The following ATXN2L variants were observed in gnomAD, a reference collection of about 807,000 sequenced individuals.
ATXN2L encodes the protein ataxin 2 like.
Under a neutral mutation model 120.7 loss-of-function variants are expected in ATXN2L, and 24 were observed. The ratio of observed to expected loss-of-function variants is 0.20; its 90% CI spans 0.14 to 0.28. The LOEUF is 0.28. Ranked by LOEUF, ATXN2L falls within the 10% of genes least tolerant of loss-of-function variation. The pLI is 1.00. For synonymous variants in ATXN2L, 653 were observed against 568.1 expected, an observed-to-expected ratio of 1.15 and a Z score of -2.13; for missense variants, 1,312 against 1,432.3, an observed-to-expected ratio of 0.92 and a Z score of 1.36.
rs1226453948 is a variant in ATXN2L at position 28,823,429 on chromosome 16, C to A, written c.170C>A (p.Pro57His). ...CCCGGGCCTCCAGCGGCCGCCTCCC[C>A]CTGCCTGGGGCCTGTGGCCGCTGCC... is the stretch of plus-strand genomic sequence containing the variant. ...APPGPPAAAS[P>H]CLGPVAAAGS... is the part of the protein sequence containing the mutation. Residue 57 changes from proline (P) to histidine (H), a missense_variant, in exon 1 of 22, where the codon CCC becomes CAC. By Grantham distance (77) the Pro-to-His change is moderately conservative (BLOSUM62 -2). Coordinates refer to ENST00000336783, the MANE Select transcript of ATXN2L (RefSeq NM_007245.4). 6 of 1,309,728 alleles carry A rather than the reference C, an allele frequency of 4.6e-6. No individual in the cohort carries two copies. In the African/African-American group the frequency reaches 6.2e-5, roughly 13 times the overall value. 81.1% of individuals were successfully genotyped at this position (1,309,728 alleles called of 1,614,324 possible). A position where few individuals can be genotyped will look rare whatever the true frequency, so the allele number is the denominator to read the frequency against.
Position 28,837,059 on chromosome 16 carries a change from T to C in ATXN2L, c.*794T>C. The C allele has an allele frequency of 1.6e-6, 1 of 614,418 alleles. No individual in the cohort carries two copies. The highest frequency in any genetic ancestry group is 3.0e-6 in the Non-Finnish European group (1 of 330,358). 38.1% of individuals were successfully genotyped at this position (614,418 alleles called of 1,614,324 possible). ...CCGCTGGAGACGGAAGATCTTTTAT[T>C]TTCTATTATTTATAACTTCAGACTT... On this transcript the variant is annotated 3_prime_UTR_variant, in exon 22 of 22. Transcript: ENST00000336783.
Position 28,830,644 on chromosome 16 carries a change from G to A in ATXN2L, c.1064G>A (p.Arg355Gln), listed in dbSNP as rs187434765. The A allele has an allele frequency of 1.2e-5, 20 of 1,607,928 alleles. No homozygotes were observed. In the Admixed American group the frequency reaches 2.9e-4, roughly 23 times the overall value. Residue 355 changes from arginine (R) to glutamine (Q), a missense_variant, in exon 9 of 22, where the codon CGA becomes CAA. Coordinates refer to ENST00000336783, the MANE Select transcript of ATXN2L (RefSeq NM_007245.4). ...GGGAAGTATATCCCTCTGCCTCAAC[G>A]AGTCCGGGAAGGTCCCCGGGGAGGA... ...REGKYIPLPQ[R>Q]VREGPRGGVR...
In ATXN2L at chr16:28,829,952, C is replaced by T. The variant is rs2053723639; in HGVS notation, c.928C>T (p.Arg310Cys). 6.8e-6 allele frequency: 11 copies of T among 1,614,088 alleles called. No homozygotes were observed. The highest frequency in any genetic ancestry group is 7.6e-6 in the Non-Finnish European group (9 of 1,180,048). The stretch of plus-strand genomic sequence containing the variant: ...AGAGATTGAATCAAGCCCCCAGTAC[C>T]GCCTACGGATCGCCATGGAGAACGA... Reference protein sequence around the residue: ...AREIESSPQYRLRIAMENDDG... With the variant: ...AREIESSPQYCLRIAMENDDG... The change falls in exon 8 of 22, where the codon CGC becomes TGC. Residue 310 changes from arginine (R) to cysteine (C), a missense_variant. Transcript: ENST00000336783.
chr16:28,829,387 TCCTC>T lies in ATXN2L; in HGVS notation c.742-7_742-4del, dbSNP rs1441142433. 1 of 1,596,018 alleles carries T rather than the reference TCCTC, an allele frequency of 6.3e-7. No homozygotes were observed. The highest frequency in any genetic ancestry group is 8.6e-7 in the Non-Finnish European group (1 of 1,163,654). Reference sequence around the variant, plus strand: ...TTCCTGCTGGGTTTTAAAACCACCTTCCTCCCTCCCCAGTCCAATGGATGGGACC... The same window carrying T: ...TTCCTGCTGGGTTTTAAAACCACCTTCCTCCCCAGTCCAATGGATGGGACC... On this transcript the variant is annotated splice_polypyrimidine_tract_variant and intron_variant, in intron 6 of 21. Coordinates refer to ENST00000336783, the MANE Select transcript of ATXN2L (RefSeq NM_007245.4).
chr16:28,829,208 G>T (rs771451985), intron 6 of ATXN2L, among the ~76,000 whole-genome samples, 193 bp from the exon 7 acceptor site: 26 of 152,152 alleles, frequency 1.7e-4, no homozygotes, highest in Non-Finnish European at 2.9e-4. Context: ...TTGCTGTGTT[G>T]CCCAGTCTGG....
Position 28,834,511 on chromosome 16 carries a change from C to G in ATXN2L, c.2251C>G (p.Leu751Val). Residue 751 changes from leucine (L) to valine (V), a missense_variant, in exon 18 of 22, where the codon CTT (leucine) becomes GTT (valine). By Grantham distance (32) the Leu-to-Val change is conservative. Transcript: ENST00000336783. ...CTCTCCTCCTCCTCTTCCAGGCTCC[C>G]TTCCTCCGCAGCGCTCGGACCAACA... Reference protein sequence around the residue: ...QGKYRGAKGSLPPQRSDQHQP... With the variant: ...QGKYRGAKGSVPPQRSDQHQP... 1 of 1,611,646 alleles carries G rather than the reference C, an allele frequency of 6.2e-7. No homozygotes were observed. The highest frequency in any genetic ancestry group is 8.5e-7 in the Non-Finnish European group (1 of 1,179,558).
chr16:28,830,582 G>A, intron 8 of ATXN2L, 33 bp from the exon 9 acceptor site: 1 of 1,522,688 alleles, frequency 6.6e-7, no homozygotes, highest in Admixed American at 2.2e-5. Context: ...TGGGTTTTGT[G>A]GCTACCTGGC....
Position 28,830,073 on chromosome 16 carries a change from C to A in ATXN2L, c.1034+15C>A, listed in dbSNP as rs770295771. ...TTGGCATCCAGGTGACTGTTGCAAA[C>A]AGCCAGGACTACTTGGGGCTTCTGG... On this transcript the variant is annotated intron_variant, in intron 8 of 21. Transcript: ENST00000336783. 2 of 1,603,506 alleles carry A rather than the reference C, an allele frequency of 1.2e-6. No homozygotes were observed. The highest frequency in any genetic ancestry group is 1.7e-6 in the Non-Finnish European group (2 of 1,172,510).
At chr16:28,827,223 A>G (rs960012028) in intron 6 of ATXN2L, among the ~76,000 whole-genome samples, 3 of 152,106 alleles carry the variant, frequency 2.0e-5, no homozygotes, top group African/African-American at 4.8e-5. Flanking sequence ...CACTTGAGGC[A>G]AGGATTTCGA....
chr16:28,830,609 C>T lies in ATXN2L; in HGVS notation c.1035-6C>T, dbSNP rs778019699. The T allele has an allele frequency of 1.9e-6, 3 of 1,557,186 alleles. No individual in the cohort carries two copies. In the South Asian group the frequency reaches 3.6e-5, roughly 18 times the overall value. On this transcript the variant is annotated splice_polypyrimidine_tract_variant and splice_region_variant and intron_variant, in intron 8 of 21. Transcript: ENST00000336783. ...CTACCTGGCCTTATTTGAACTCTTT[C>T]CTCAGGGAGGGGAAGTATATCCCTC...
chr16:28,835,890 C>G (rs1960437256), intron 21 of ATXN2L, 43 bp from the exon 22 acceptor site: 2 of 1,561,882 alleles, frequency 1.3e-6, no homozygotes, highest in South Asian at 2.4e-5. Context: ...GAGTCTGTTT[C>G]AGGATTCTGT....
intron 1 of ATXN2L, chr16:28,823,991 A>T: frequency 1.8e-6 from 1 of 553,676 alleles, no homozygotes; most frequent in Non-Finnish European, 2.3e-6. Flanking sequence ...CGCGGCCCAC[A>T]GTTTGGCCAA....
chr16:28,835,661 A>G lies in ATXN2L; in HGVS notation c.2798A>G (p.Gln933Arg). Reference protein sequence around the residue: ...PPSLPPGPSAQSPQSSFPQPA... With the variant: ...PPSLPPGPSARSPQSSFPQPA... ...TCTCTGCCACCGGGACCTTCTGCCC[A>G]GTCCCCTCAGAGCAGCTTCCCCCAG... Residue 933 changes from glutamine (Q) to arginine (R), a missense_variant, in exon 21 of 22, where the codon CAG becomes CGG. Coordinates refer to ENST00000336783, the MANE Select transcript of ATXN2L (RefSeq NM_007245.4). 1.9e-6 allele frequency: 3 copies of G among 1,613,880 alleles called. No individual in the cohort carries two copies. The highest frequency in any genetic ancestry group is 2.5e-6 in the Non-Finnish European group (3 of 1,179,914).
At chr16:28,832,007 T>C (rs1169214415) in intron 10 of ATXN2L, among the ~76,000 whole-genome samples, 198 bp from the exon 11 acceptor site, 2 of 152,194 alleles carry the variant, frequency 1.3e-5, no homozygotes, top group Non-Finnish European at 1.5e-5. Context: ...TCCCTGCCAC[T>C]CCTTTAAGCA....
intron 12 of ATXN2L, 84 bp downstream of exon 12, chr16:28,832,651 A>T: frequency 6.8e-7 from 1 of 1,479,138 alleles, no homozygotes; most frequent in Middle Eastern, 1.8e-4. Context: ...GTTGGAATTC[A>T]GAGGCAAACA....
chr16:28,830,384 T>C (rs1308089675), intron 8 of ATXN2L, among the ~76,000 whole-genome samples: 2 of 152,190 alleles, frequency 1.3e-5, no homozygotes, highest in Non-Finnish European at 1.5e-5. Flanking sequence ...AGTTGTAGAA[T>C]TGTGGAGCAC....
chr16:28,836,701 G>A lies in ATXN2L; in HGVS notation c.*436G>A. 6.2e-7 allele frequency: 1 copy of A among 1,613,624 alleles called. No individual in the cohort carries two copies. The highest frequency in any genetic ancestry group is 1.7e-4 in the Middle Eastern group (1 of 6,060). Reference sequence around the variant, plus strand: ...CAGCTGCTTGGGTTCTAATGCTCCTGCTCTCTTCTCTTTCCCCTCCAACCA... The same window carrying A: ...CAGCTGCTTGGGTTCTAATGCTCCTACTCTCTTCTCTTTCCCCTCCAACCA... On this transcript the variant is annotated 3_prime_UTR_variant, in exon 22 of 22. Transcript: ENST00000336783.
chr16:28,829,805 C>T lies in ATXN2L; in HGVS notation c.834-53C>T, dbSNP rs1300452659. On this transcript the variant is annotated intron_variant, in intron 7 of 21. Coordinates refer to ENST00000336783, the MANE Select transcript of ATXN2L (RefSeq NM_007245.4). ...CTTGTTGAAATGTTTTTCCTTTTTT[C>T]CTCTTTTGTCCCCTGGCACTGGGAT... The T allele has an allele frequency of 4.1e-5, 65 of 1,570,798 alleles. No homozygotes were observed. In the Admixed American group the frequency reaches 4.8e-4, roughly 12 times the overall value.
chr16:28,835,370 T>C lies in ATXN2L; in HGVS notation c.2656T>C (p.Ser886Pro). 1 of 1,613,170 alleles carries C rather than the reference T, an allele frequency of 6.2e-7. No homozygotes were observed. Among genetic ancestry groups the C allele is most frequent in the Admixed American group, 1.7e-5 (1 of 60,014 alleles). ...ATTPTGSQPQ[S>P]QHAAPSPVQH... The stretch of plus-strand genomic sequence containing the variant: ...CACGCCTACTGGAAGCCAGCCGCAG[T>C]CCCAGCATGCGGCCCCCAGTCCTGT... The change falls in exon 20 of 22, where the codon TCC (serine) becomes CCC (proline). Residue 886 changes from serine (S) to proline (P), a missense_variant. Ser to Pro is a moderately conservative substitution (Grantham distance 74, BLOSUM62 -1). Coordinates refer to ENST00000336783, the MANE Select transcript of ATXN2L (RefSeq NM_007245.4).
Sources: allele counts gnomAD v4.1 joint callset (sites outside exome capture counted in the v4.1 genomes callset), GRCh38; gene constraint gnomAD v4.1.1; transcripts MANE v1.5; gene names NCBI Gene and HGNC (gene_info 2026-07-23, HGNC 2026-07-21).